Variants in VDAC3 observed in about 807,000 individuals in gnomAD.
The protein encoded by VDAC3 is voltage dependent anion channel 3, also known as non-selective voltage-gated ion channel VDAC3.
Under a neutral mutation model 33.9 loss-of-function variants are expected in VDAC3, and 7 were observed. The ratio of observed to expected loss-of-function variants is 0.21; its 90% CI spans 0.12 to 0.39. VDAC3 has a LOEUF of 0.39. Among genes scored for constraint, VDAC3 ranks in the 10% least tolerant of loss-of-function variants. The probability of loss-of-function intolerance (pLI) is 1.00; values close to 1 mark genes in which losing one functional copy is unlikely to be tolerated. For missense variants in VDAC3, 261 were observed against 334.5 expected (o/e 0.78, Z 1.71); for synonymous variants, 100 against 122.4 (o/e 0.82, Z 1.21).
intron 4 of VDAC3, 67 bp downstream of exon 4, chr8:42,395,200 G>C: frequency 6.3e-7 from 1 of 1,597,140 alleles, no homozygotes. Flanking sequence ...TTAAAATCAT[G>C]ACAGTCTAGT....
intron 8 of VDAC3, among the ~76,000 whole-genome samples, chr8:42,403,877 CAAA>C (rs56769990): frequency 9.0e-5 from 8 of 88,772 alleles, no homozygotes; most frequent in Admixed American, 2.6e-4. Context: ...GAGCCTATCT[CAAA>C]AAAAAAAAAA....
intron 8 of VDAC3, among the ~76,000 whole-genome samples, 153 bp downstream of exon 8, chr8:42,403,614 G>T (rs1425552136): frequency 6.6e-6 from 1 of 152,240 alleles, no homozygotes; most frequent in Non-Finnish European, 1.5e-5. Flanking sequence ...CCAGGCTCAC[G>T]CCTGTATTCC....
intron 2 of VDAC3, 25 bp from the exon 3 acceptor site, chr8:42,394,185 C>T (rs772450787): frequency 8.7e-6 from 14 of 1,603,064 alleles, no homozygotes; most frequent in Non-Finnish European, 1.2e-5. Flanking sequence ...TATTTTTATT[C>T]CTTTGCCCTG....
intron 4 of VDAC3, 88 bp downstream of exon 4, chr8:42,395,221 A>G (rs1563420803): frequency 1.0e-5 from 16 of 1,565,782 alleles, no homozygotes; most frequent in Admixed American, 3.5e-5. Context: ...TACTTGAACC[A>G]GCACCATGCT....
Position 42,398,880 on chromosome 8 carries a change from A to G in VDAC3, c.270+16A>G, listed in dbSNP as rs756631028. 2 of 1,611,932 alleles carry G rather than the reference A, an allele frequency of 1.2e-6. No homozygotes were observed. Among genetic ancestry groups the G allele is most frequent in the Admixed American group, 1.7e-5 (1 of 59,664 alleles). Reference sequence around the variant, plus strand: ...GGAGAATAAGGTAAGAGAACGCATTAGAAGTTATTCATAGGTTCAATTTAT... The same window carrying G: ...GGAGAATAAGGTAAGAGAACGCATTGGAAGTTATTCATAGGTTCAATTTAT... On this transcript the variant is annotated intron_variant, in intron 5 of 9. Coordinates refer to ENST00000022615, the MANE Select transcript of VDAC3 (RefSeq NM_005662.7).
At chr8:42,394,384 C>A in intron 3 of VDAC3, 106 bp downstream of exon 3, 2 of 977,404 alleles carry the variant, frequency 2.0e-6, no homozygotes, top group Non-Finnish European at 3.1e-6. Flanking sequence ...AGCATTATTC[C>A]ACTTCACAAG....
intron 7 of VDAC3, 146 bp from the exon 8 acceptor site, chr8:42,403,165 T>G: frequency 2.4e-6 from 2 of 829,784 alleles, no homozygotes; most frequent in Non-Finnish European, 1.9e-6. Flanking sequence ...TGTGTTTTGT[T>G]TAGTAGTCAT....
In VDAC3 at chr8:42,392,633, T is replaced by C. The variant is rs558315541; in HGVS notation, c.-43+705T>C. Among the ~76,000 whole-genome samples the C allele has an allele frequency of 1.0e-4, 16 of 152,394 alleles. No individual in the cohort carries two copies. In the South Asian group the frequency reaches 3.3e-3, roughly 32 times the overall value. On this transcript the variant is annotated intron_variant, in intron 1 of 9. Coordinates refer to ENST00000022615, the MANE Select transcript of VDAC3 (RefSeq NM_005662.7). ...AGGTCAGTTAGTATACTAAACCAGC[T>C]ACGTGACTTTTGCATAGTATCTCGT...
At chr8:42,402,284 C>T (rs1802428995) in intron 7 of VDAC3, 2 of 502,262 alleles carry the variant, frequency 4.0e-6, no homozygotes, top group South Asian at 4.9e-5. Flanking sequence ...AGAGGGAGCC[C>T]AGAGCATGGC....
At chr8:42,399,928 A>ATATTTTCTACCATG (rs1291129530) in intron 6 of VDAC3, among the ~76,000 whole-genome samples, 3 of 152,238 alleles carry the variant, frequency 2.0e-5, no homozygotes, top group Non-Finnish European at 4.4e-5. Context: ...AAATGTATAA[A>ATATTTTCTACCATG]TGTATTTGAG....
intron 7 of VDAC3, among the ~76,000 whole-genome samples, chr8:42,402,829 T>C (rs1802437999): frequency 6.6e-6 from 1 of 152,166 alleles, no homozygotes; most frequent in African/African-American, 2.4e-5. Flanking sequence ...ATAACTAAGG[T>C]GGTTTTCTGG....
chr8:42,394,195 GTTTTTC>G lies in VDAC3; in HGVS notation c.-2-11_-2-6del. 6.2e-7 allele frequency: 1 copy of G among 1,611,876 alleles called. No individual in the cohort carries two copies. The highest frequency in any genetic ancestry group is 8.5e-7 in the Non-Finnish European group (1 of 1,178,150). On this transcript the variant is annotated splice_polypyrimidine_tract_variant and intron_variant, in intron 2 of 9. Transcript: ENST00000022615. The stretch of plus-strand genomic sequence containing the variant: ...ATGGTTATTTTTATTCCTTTGCCCT[GTTTTTC>G]TTTATAAGATATGTGTAACACACCA...
intron 3 of VDAC3, 28 bp from the exon 4 acceptor site, chr8:42,395,056 C>G (rs752635640): frequency 6.2e-7 from 1 of 1,612,618 alleles, no homozygotes; most frequent in Admixed American, 1.7e-5. Flanking sequence ...TTGTACATTA[C>G]TGTGTTTTTG....
chr8:42,398,594 A>T, intron 4 of VDAC3, 118 bp from the exon 5 acceptor site: 2 of 1,074,022 alleles, frequency 1.9e-6, no homozygotes, highest in South Asian at 1.7e-5. Flanking sequence ...GCTCTAGAGT[A>T]GGGCTGTGGC....
intron 4 of VDAC3, among the ~76,000 whole-genome samples, chr8:42,395,448 A>G (rs1585947842): frequency 1.3e-5 from 2 of 152,370 alleles, no homozygotes; most frequent in African/African-American, 4.8e-5. Flanking sequence ...CTTCCATGAT[A>G]ATGGGTTCAT....
intron 4 of VDAC3, chr8:42,397,547 A>T (rs1315431099): frequency 6.6e-6 from 1 of 152,232 alleles, no homozygotes; most frequent in Non-Finnish European, 1.5e-5. Context: ...GACAGTTCAT[A>T]GATTGTCAGT....
At chr8:42,395,169 A>G in intron 4 of VDAC3, 36 bp downstream of exon 4, 2 of 1,612,032 alleles carry the variant, frequency 1.2e-6, no homozygotes, top group Non-Finnish European at 1.7e-6. Flanking sequence ...AATGTAACAT[A>G]ATTAACTTAA....
rs1412940213 is a variant in VDAC3, at chr8:42,396,263, G to GA, written c.117+1136dup. On this transcript the variant is annotated intron_variant, in intron 4 of 9. Transcript: ENST00000022615. ...GGCAACAGTGCAAGACTCCGTCTCAGAAAAAATTGCTTTTATTTAATAAAT... is the reference window on the plus strand; with the variant it reads ...GGCAACAGTGCAAGACTCCGTCTCAGAAAAAAATTGCTTTTATTTAATAAAT... Among the ~76,000 whole-genome samples the GA allele has an allele frequency of 1.1e-4, 17 of 152,172 alleles. No homozygotes were observed. The East Asian group carries it at 3.1e-3, about 28-fold the overall frequency.
chr8:42,404,904 A>G lies in VDAC3; in HGVS notation c.740A>G (p.Tyr247Cys). The change falls in exon 9 of 10, where the codon TAT (tyrosine) becomes TGT (cysteine). Residue 247 changes from tyrosine (Y) to cysteine (C), a missense_variant. Tyr to Cys is a radical substitution (Grantham distance 194). Transcript: ENST00000022615. ...AATGCCAGCCTGATTGGACTGGGTT[A>G]TACTCAGACCCTTCGACCAGGTAAG... ...VNNASLIGLG[Y>C]TQTLRPGVKL... The G allele has an allele frequency of 6.2e-7, 1 of 1,613,744 alleles. No individual in the cohort carries two copies. The highest frequency in any genetic ancestry group is 8.5e-7 in the Non-Finnish European group (1 of 1,179,760).
Sources: allele counts gnomAD v4.1 joint callset (sites outside exome capture counted in the v4.1 genomes callset), GRCh38; gene constraint gnomAD v4.1.1; transcripts MANE v1.5; gene names NCBI Gene and HGNC (gene_info 2026-07-23, HGNC 2026-07-21).